The following MMS22L variants were observed in gnomAD, a reference collection of about 807,000 sequenced individuals.
MMS22L encodes protein MMS22-like.
A neutral mutation model predicts 159.1 loss-of-function variants in MMS22L; 74 were observed. The ratio of observed to expected loss-of-function variants is 0.47; its 90% confidence interval spans 0.39 to 0.56. MMS22L has a LOEUF of 0.56. Ranked by LOEUF, MMS22L falls within the 20% of genes least tolerant of loss-of-function variation. The pLI, the probability that MMS22L is intolerant of heterozygous loss-of-function variation, is 0.00. For missense variants in MMS22L, 1,351 were observed against 1,422.1 expected, an observed-to-expected ratio of 0.95 and a Z score of 0.80; for synonymous variants, 517 against 506.9, an observed-to-expected ratio of 1.02 and a Z score of -0.27.
intron 14 of MMS22L, among the ~76,000 whole-genome samples, chr6:97,212,850 T>C (rs972664731): frequency 2.6e-5 from 4 of 152,192 alleles, no homozygotes; most frequent in African/African-American, 9.7e-5. Flanking sequence ...CCCACAAAAT[T>C]GAAATACAGT....
chr6:97,220,825 T>G (rs946055929), intron 14 of MMS22L, among the ~76,000 whole-genome samples: 1 of 152,016 alleles, frequency 6.6e-6, no homozygotes, highest in Non-Finnish European at 1.5e-5. Context: ...TTCCTACAAT[T>G]CTTTGTTTTT....
At chr6:97,147,411 T>A (rs1202779883) in intron 24 of MMS22L, among the ~76,000 whole-genome samples, 1 of 152,222 alleles carries the variant, frequency 6.6e-6, no homozygotes, top group African/African-American at 2.4e-5. Context: ...GGAAGGTGTT[T>A]TAGATGATTT....
At position 97,236,322 on chromosome 6, in the gene MMS22L, C is replaced by T. The variant is rs924569698; in HGVS notation, c.1183-2342G>A. 1.4e-4 allele frequency among the ~76,000 whole-genome samples: 7 copies of T among 50,404 alleles called. No homozygotes were observed. The Admixed American group carries it at 1.5e-3, about 11-fold the overall frequency. 33.1% of individuals were successfully genotyped at this position (50,404 alleles called of 152,430 possible). Reference sequence around the variant, plus strand: ...TGGGAGACAGAGTGACACTCTTTCTCCAAAAAAAAAAAAAAAAAAAAGAGA... The same window carrying T: ...TGGGAGACAGAGTGACACTCTTTCTTCAAAAAAAAAAAAAAAAAAAAGAGA... On this transcript the variant is annotated intron_variant, in intron 11 of 24. Coordinates refer to ENST00000683635, the MANE Select transcript of MMS22L (RefSeq NM_001350599.2).
At chr6:97,213,124 C>T (rs1808577296) in intron 14 of MMS22L, among the ~76,000 whole-genome samples, 2 of 151,992 alleles carry the variant, frequency 1.3e-5, no homozygotes, top group Non-Finnish European at 2.9e-5. Context: ...AATGAGGTTG[C>T]AGCCAGGCAT....
Position 97,162,067 on chromosome 6 carries a change from AT to A in MMS22L, c.3319del (p.Ile1107PhefsTer12). On this transcript the variant is annotated frameshift_variant, in exon 22 of 25. Coordinates refer to ENST00000683635, the MANE Select transcript of MMS22L (RefSeq NM_001350599.2). LOFTEE classifies it high-confidence loss of function. ...LQLFKETNTDIYEVELLLPGI... is the reference protein window; with the variant it reads ...LQLFKETNTDXYEVELLLPGI... ...AGGGAGGAGTAGTTCAACTTCATAA[AT>A]GTCTGTGTTAGTTTCCTTGAAGAGT... 6.2e-7 allele frequency: 1 copy of A among 1,612,356 alleles called. No homozygotes were observed. The highest frequency in any genetic ancestry group is 8.5e-7 in the Non-Finnish European group (1 of 1,179,082).
chr6:97,222,736 C>T (rs1166698831), intron 14 of MMS22L, among the ~76,000 whole-genome samples: 2 of 151,962 alleles, frequency 1.3e-5, no homozygotes, highest in Non-Finnish European at 2.9e-5. Flanking sequence ...TCTCATGAGG[C>T]CTTGTATGTC....
At chr6:97,261,914 G>A (rs1043030082) in intron 9 of MMS22L, 2 of 151,956 alleles carry the variant, frequency 1.3e-5, no homozygotes, top group Non-Finnish European at 1.5e-5. Context: ...TGGGCTCAAT[G>A]GTTTGAAATT....
At chr6:97,228,388 C>T (rs1810480553) in intron 14 of MMS22L, among the ~76,000 whole-genome samples, 1 of 152,160 alleles carries the variant, frequency 6.6e-6, no homozygotes, top group African/African-American at 2.4e-5. Flanking sequence ...TTGAGCCTCA[C>T]TAATCTGAAA....
intron 8 of MMS22L, chr6:97,263,979 A>G (rs963802988): frequency 2.0e-5 from 3 of 152,620 alleles, no homozygotes; most frequent in African/African-American, 7.2e-5. Flanking sequence ...AAGTGCTAGG[A>G]TTACAGGCAT....
intron 1 of MMS22L, 118 bp downstream of exon 1, chr6:97,282,978 G>C (rs1251787932): frequency 6.6e-6 from 1 of 152,330 alleles, no homozygotes; most frequent in East Asian, 1.9e-4. Context: ...AGGAGGAGGC[G>C]AGACCCACCA....
intron 10 of MMS22L, among the ~76,000 whole-genome samples, chr6:97,251,953 G>A (rs537737419): frequency 2.0e-5 from 3 of 152,074 alleles, no homozygotes; most frequent in African/African-American, 7.2e-5. Flanking sequence ...CGTGGTGGCC[G>A]GCACCTGTAG....
At position 97,173,106 on chromosome 6, in the gene MMS22L, T is replaced by C; in HGVS notation, c.2796A>G (p.Lys932=). The C allele has an allele frequency of 1.9e-6, 3 of 1,613,438 alleles. No homozygotes were observed. The highest frequency in any genetic ancestry group is 2.5e-6 in the Non-Finnish European group (3 of 1,179,732). ...GCTGCAGCCCTGCACTGAAAACTTT[T>C]TTTCCCAAATAAGGCTTAATATATT... The part of the protein sequence containing the change: ...VLKYIKPYLG[K]KVFSAGLQLT... The change falls in exon 19 of 25, where the codon AAA becomes AAG. Residue 932 remains lysine (K), a synonymous_variant. Transcript: ENST00000683635.
At chr6:97,160,427 G>A (rs1449161923) in intron 22 of MMS22L, among the ~76,000 whole-genome samples, 1 of 152,056 alleles carries the variant, frequency 6.6e-6, no homozygotes, top group Non-Finnish European at 1.5e-5. Context: ...TCCTGTGAAT[G>A]CTATCCCACT....
intron 11 of MMS22L, among the ~76,000 whole-genome samples, chr6:97,245,761 T>C (rs988263251): frequency 2.0e-5 from 3 of 151,992 alleles, no homozygotes; most frequent in African/African-American, 7.2e-5. Context: ...AATGCCTTTA[T>C]GTTTCCTAAA....
chr6:97,210,198 A>G (rs796499285), intron 14 of MMS22L, among the ~76,000 whole-genome samples: 4 of 151,930 alleles, frequency 2.6e-5, no homozygotes, highest in African/African-American at 9.6e-5. Flanking sequence ...ATATCCTTAA[A>G]CCAGTAGTTC....
intron 14 of MMS22L, among the ~76,000 whole-genome samples, chr6:97,224,058 T>C (rs1050427946): frequency 6.6e-6 from 1 of 152,140 alleles, no homozygotes; most frequent in Non-Finnish European, 1.5e-5. Context: ...AAAACAGACA[T>C]TTGTGAAAGG....
At chr6:97,271,188 C>T (rs943864587) in intron 6 of MMS22L, 3 of 151,912 alleles carry the variant, frequency 2.0e-5, no homozygotes, top group African/African-American at 7.2e-5. Flanking sequence ...TTTTATTATG[C>T]TTTTTTGTTT....
chr6:97,272,982 T>C lies in MMS22L; in HGVS notation c.421A>G (p.Ile141Val). Residue 141 changes from isoleucine (I) to valine (V), a missense_variant, in exon 5 of 25, where the codon ATC becomes GTC. By Grantham distance (29) the Ile-to-Val change is conservative. Transcript: ENST00000683635. Reference sequence around the variant, plus strand: ...ACTCATCTGATATCCTACCTGAAGATGAAAACTTTAACATAATGGAGAAAT... The same window carrying C: ...ACTCATCTGATATCCTACCTGAAGACGAAAACTTTAACATAATGGAGAAAT... Reference protein sequence around the residue: ...VLFLHYVKVFIFRYLKVQNAE... With the variant: ...VLFLHYVKVFVFRYLKVQNAE... 3 of 1,612,738 alleles carry C rather than the reference T, an allele frequency of 1.9e-6. No homozygotes were observed. The highest frequency in any genetic ancestry group is 1.7e-6 in the Non-Finnish European group (2 of 1,179,650).
chr6:97,278,806 T>C (rs1347965890), intron 4 of MMS22L, 43 bp downstream of exon 4: 2 of 1,550,894 alleles, frequency 1.3e-6, no homozygotes, highest in South Asian at 1.1e-5. Context: ...CTCACTATAA[T>C]GAAGCACCAT....
Sources: gnomAD v4.1 joint callset for allele counts (sites outside exome capture counted in the v4.1 genomes callset) on GRCh38, gnomAD v4.1.1 for gene constraint, MANE v1.5 for transcripts, NCBI Gene and HGNC (gene_info 2026-07-23, HGNC 2026-07-21) for gene names.